The following DNAI2 variants were observed in gnomAD, a reference collection of about 807,000 sequenced individuals.
The protein encoded by DNAI2 is dynein axonemal intermediate chain 2, also known as dynein, axonemal, intermediate polypeptide 2.
DNAI2 carries 63 observed loss-of-function variants against 74.7 expected under a neutral mutation model. The observed-to-expected ratio is 0.84, with a 90% CI of 0.69 to 1.04. The LOEUF is 1.04. Ranked by LOEUF, DNAI2 falls within the 50% of genes least tolerant of loss-of-function variation. DNAI2 has a pLI of 0.00. For synonymous variants in DNAI2, 289 were observed against 314.9 expected (o/e 0.92, Z 0.87); for missense variants, 688 against 803.2 (o/e 0.86, Z 1.73).
intron 6 of DNAI2, among the ~76,000 whole-genome samples, 177 bp downstream of exon 6, chr17:74,291,310 A>G (rs1472868417): frequency 6.6e-6 from 1 of 151,922 alleles, no homozygotes; most frequent in African/African-American, 2.4e-5. Context: ...ACAGGCACCC[A>G]CCACCACACC....
At chr17:74,295,870 G>T (rs1196746846) in intron 6 of DNAI2, among the ~76,000 whole-genome samples, 2 of 152,138 alleles carry the variant, frequency 1.3e-5, no homozygotes, top group Admixed American at 6.5e-5. Context: ...ATTGAACAAA[G>T]ATTTCCTTAA....
At chr17:74,290,608 T>C (rs946251642) in intron 5 of DNAI2, among the ~76,000 whole-genome samples, 1 of 152,158 alleles carries the variant, frequency 6.6e-6, no homozygotes, top group African/African-American at 2.4e-5. Context: ...TTCCAACAGC[T>C]CAGCGAGTTC....
At chr17:74,309,964 A>T in intron 10 of DNAI2, 53 bp from the exon 11 acceptor site, 1 of 1,544,062 alleles carries the variant, frequency 6.5e-7, no homozygotes, top group Non-Finnish European at 8.8e-7. Context: ...AATCAGACAC[A>T]CATAACTTTG....
chr17:74,312,021 C>T lies in DNAI2; in HGVS notation c.1513C>T (p.Arg505Trp), dbSNP rs753933951. 2.4e-5 allele frequency: 39 copies of T among 1,611,546 alleles called. No individual in the cohort carries two copies. Among genetic ancestry groups the T allele is most frequent in the South Asian group, 1.4e-4 (13 of 90,986 alleles). ...TGCCCAGATGTTTGAGCGTGAGACCCGGCGAGAGAAGATCCTGGAGGCCAG... is the reference window on the plus strand; with the variant it reads ...TGCCCAGATGTTTGAGCGTGAGACCTGGCGAGAGAAGATCCTGGAGGCCAG... ...VASSMFERET[R>W]REKILEARHR... Residue 505 changes from arginine to tryptophan, a missense_variant, in exon 12 of 14, where the codon CGG becomes TGG. Transcript: ENST00000311014.
chr17:74,291,814 T>C lies in DNAI2; in HGVS notation c.724+681T>C, dbSNP rs530987023. Among the ~76,000 whole-genome samples the C allele has an allele frequency of 1.7e-4, 26 of 152,212 alleles. No individual in the cohort carries two copies. The South Asian group carries it at 5.2e-3, about 30-fold the overall frequency. On this transcript the variant is annotated intron_variant, in intron 6 of 13. Transcript: ENST00000311014. ...ACGGATATGGGTAATACTGGCCTTA[T>C]AGAATGAGTTGGGAAGTATTCCCTT...
intron 1 of DNAI2, among the ~76,000 whole-genome samples, chr17:74,275,357 G>A (rs1164626471): frequency 1.3e-5 from 2 of 152,158 alleles, no homozygotes; most frequent in Admixed American, 6.5e-5. Flanking sequence ...GGCTTTCTAG[G>A]GAGGTCTGCC....
Position 74,299,809 on chromosome 17 carries a change from G to A in DNAI2, c.816G>A (p.Leu272=), listed in dbSNP as rs62065712. Residue 272 remains leucine (L), a synonymous_variant, in exon 7 of 14, where the codon CTG becomes CTA. Transcript: ENST00000311014. ...HRDPVYGTIW[L]QSKTGTECFS... ...ACCCTGTGTATGGCACCATCTGGCT[G>A]CAGTCGAAGACGGGCACCGAGTGCT... 1 of 1,613,472 alleles carries A rather than the reference G, an allele frequency of 6.2e-7. No homozygotes were observed. The highest frequency in any genetic ancestry group is 8.5e-7 in the Non-Finnish European group (1 of 1,180,000).
intron 8 of DNAI2, among the ~76,000 whole-genome samples, chr17:74,304,689 G>C (rs2053079017): frequency 6.6e-6 from 1 of 152,146 alleles, no homozygotes; most frequent in Non-Finnish European, 1.5e-5. Flanking sequence ...AGTGGTAGGG[G>C]GACGAGTTAC....
chr17:74,307,196 T>G (rs1440159693), intron 9 of DNAI2: 2 of 455,134 alleles, frequency 4.4e-6, no homozygotes, highest in East Asian at 1.4e-4. Context: ...GCCTTCCCAA[T>G]GTCTTCAGGT....
At chr17:74,296,291 A>G (rs1057325813) in intron 6 of DNAI2, among the ~76,000 whole-genome samples, 1 of 145,846 alleles carries the variant, frequency 6.9e-6, no homozygotes, top group Non-Finnish European at 1.5e-5. Flanking sequence ...CCTGTGCAGC[A>G]TAGTGAGATC....
Position 74,312,191 on chromosome 17 carries a change from G to A in DNAI2, c.1683G>A (p.Lys561=), listed in dbSNP as rs767757416. ...TCGACATCATCTTCGCAGAGCTGAA[G>A]AAGAAGGAGGCAGACGCCATAAAGC... is the stretch of plus-strand genomic sequence containing the variant. ...EFFDIIFAEL[K]KKEADAIKLT... The change falls in exon 12 of 14, where the codon AAG becomes AAA. Residue 561 remains lysine (K), a synonymous_variant. Coordinates refer to ENST00000311014, the MANE Select transcript of DNAI2 (RefSeq NM_023036.6). 38 of 1,600,000 alleles carry A rather than the reference G, an allele frequency of 2.4e-5. No homozygotes were observed. Among genetic ancestry groups the A allele is most frequent in the Non-Finnish European group, 3.2e-5 (38 of 1,175,766 alleles).
At chr17:74,285,489 A>G (rs985986874) in intron 3 of DNAI2, among the ~76,000 whole-genome samples, 3 of 152,144 alleles carry the variant, frequency 2.0e-5, no homozygotes, top group Non-Finnish European at 4.4e-5. Flanking sequence ...GCCAATAGGG[A>G]TCATTCATTC....
chr17:74,299,100 G>A (rs1276832740), intron 6 of DNAI2, among the ~76,000 whole-genome samples: 1 of 152,076 alleles, frequency 6.6e-6, no homozygotes, highest in African/African-American at 2.4e-5. Context: ...TGCATTCATG[G>A]GAAAATGGAA....
At chr17:74,293,870 G>A (rs1023530260) in intron 6 of DNAI2, among the ~76,000 whole-genome samples, 3 of 151,254 alleles carry the variant, frequency 2.0e-5, no homozygotes, top group African/African-American at 4.9e-5. Flanking sequence ...TGCAACCTCC[G>A]CCTCCTGGGT....
intron 9 of DNAI2, 149 bp from the exon 10 acceptor site, chr17:74,309,104 G>T: frequency 2.7e-6 from 2 of 738,464 alleles, no homozygotes; most frequent in Non-Finnish European, 4.6e-6. Context: ...GTGGATGAGT[G>T]AGGTCAGCAC....
At position 74,311,866 on chromosome 17, in the gene DNAI2, G is replaced by A. The variant is rs1012763151; in HGVS notation, c.1495-137G>A. The A allele has an allele frequency of 4.8e-6, 4 of 829,726 alleles. No individual in the cohort carries two copies. The African/African-American group carries it at 6.7e-5, about 14-fold the overall frequency. The allele number at this position is 829,726 out of a possible 1,614,324, so 51.4% of individuals were successfully genotyped here. ...GCCCTCCTTCCTTGACACCAGCCCTGGGTACAGACCTCTACAGTACAGGGA... is the reference window on the plus strand; with the variant it reads ...GCCCTCCTTCCTTGACACCAGCCCTAGGTACAGACCTCTACAGTACAGGGA... On this transcript the variant is annotated intron_variant, in intron 11 of 13. Coordinates refer to ENST00000311014, the MANE Select transcript of DNAI2 (RefSeq NM_023036.6).
At chr17:74,293,174 T>G (rs2143970758) in intron 6 of DNAI2, among the ~76,000 whole-genome samples, 1 of 152,316 alleles carries the variant, frequency 6.6e-6, no homozygotes, top group East Asian at 1.9e-4. Flanking sequence ...AGGTCTTGTC[T>G]ATAGTGTTGG....
chr17:74,291,830 G>T (rs1018647121), intron 6 of DNAI2, among the ~76,000 whole-genome samples: 1 of 151,922 alleles, frequency 6.6e-6, no homozygotes, highest in Non-Finnish European at 1.5e-5. Context: ...GAGTTGGGAA[G>T]TATTCCCTTC....
intron 6 of DNAI2, among the ~76,000 whole-genome samples, chr17:74,291,771 T>C (rs779906391): frequency 3.9e-5 from 6 of 152,338 alleles, no homozygotes; most frequent in Non-Finnish European, 8.8e-5. Context: ...GAGAGGTTTC[T>C]GGGAAACCTA....
Sources: allele counts gnomAD v4.1 joint callset (sites outside exome capture counted in the v4.1 genomes callset), GRCh38; gene constraint gnomAD v4.1.1; transcripts MANE v1.5; gene names NCBI Gene and HGNC (gene_info 2026-07-23, HGNC 2026-07-21).